SENP7: variants seen among roughly 807,000 people sequenced by gnomAD.
The protein encoded by SENP7 is SUMO specific peptidase 7.
Under a neutral mutation model 141.2 loss-of-function variants are expected in SENP7, and 64 were observed. The ratio of observed to expected loss-of-function variants is 0.45; its 90% CI spans 0.37 to 0.56. The LOEUF is 0.56. Among genes scored for constraint, SENP7 ranks in the 20% least tolerant of loss-of-function variants. The probability of loss-of-function intolerance (pLI) is 0.00; values close to 1 mark genes in which losing one functional copy is unlikely to be tolerated. For missense variants in SENP7, 1,025 were observed against 1,212.2 expected (o/e 0.85, Z 2.29); for synonymous variants, 382 against 426.4 (o/e 0.90, Z 1.28).
At chr3:101,372,340 A>G (rs190476244) in intron 6 of SENP7, among the ~76,000 whole-genome samples, 110 of 149,184 alleles carry the variant, frequency 7.4e-4, no homozygotes, top group African/African-American at 2.3e-3. Flanking sequence ...GTTTAGGGGG[A>G]AAAAAAATGA....
Position 101,348,060 on chromosome 3 carries a change from A to T in SENP7, c.1658-9T>A. On this transcript the variant is annotated splice_polypyrimidine_tract_variant and intron_variant, in intron 12 of 23. Coordinates refer to ENST00000394095, the MANE Select transcript of SENP7 (RefSeq NM_020654.5). ...AATCTCATTCAGGGACACTGAAACA[A>T]ATAAAAGACAACAATTTAAAAAATT... is the stretch of plus-strand genomic sequence containing the variant. The T allele has an allele frequency of 1.3e-6, 2 of 1,554,298 alleles. No individual in the cohort carries two copies. Among genetic ancestry groups the T allele is most frequent in the South Asian group, 1.3e-5 (1 of 79,196 alleles).
intron 15 of SENP7, 138 bp downstream of exon 15, chr3:101,341,508 A>T: frequency 5.4e-6 from 4 of 735,404 alleles, no homozygotes; most frequent in Non-Finnish European, 7.6e-6. Flanking sequence ...TAATTTCTTT[A>T]AAAAAACCTA....
At chr3:101,417,241 C>T (rs2061650537) in intron 5 of SENP7, among the ~76,000 whole-genome samples, 1 of 152,028 alleles carries the variant, frequency 6.6e-6, no homozygotes, top group African/African-American at 2.4e-5. Context: ...TATATACACA[C>T]ACATTTATAT....
At chr3:101,471,513 A>G (rs575402333) in intron 3 of SENP7, among the ~76,000 whole-genome samples, 1 of 152,352 alleles carries the variant, frequency 6.6e-6, no homozygotes, top group South Asian at 2.1e-4. Context: ...AAGACGGATT[A>G]AAGACTTCAA....
chr3:101,403,293 T>C (rs1483067941), intron 5 of SENP7, among the ~76,000 whole-genome samples: 1 of 152,246 alleles, frequency 6.6e-6, no homozygotes, highest in African/African-American at 2.4e-5. Flanking sequence ...CATCCCCTAA[T>C]TAAAAATTTT....
In SENP7 at chr3:101,484,017, ACT is replaced by A. The variant is rs2064619912; in HGVS notation, c.186+9854_186+9855del. On this transcript the variant is annotated intron_variant, in intron 3 of 23. Coordinates refer to ENST00000394095, the MANE Select transcript of SENP7 (RefSeq NM_020654.5). ...ACTCCAGCCTGGGCAACAGAGCAAG[ACT>A]CTGTCTAAAAAAAAAAATTAACTCA... Among the ~76,000 whole-genome samples the A allele has an allele frequency of 2.0e-5, 3 of 152,052 alleles. No individual in the cohort carries two copies. In the East Asian group the frequency reaches 5.8e-4, roughly 29 times the overall value.
chr3:101,403,903 T>C (rs1416185315), intron 5 of SENP7, among the ~76,000 whole-genome samples: 1 of 151,846 alleles, frequency 6.6e-6, no homozygotes, highest in African/African-American at 2.4e-5. Context: ...CTATAAAACA[T>C]TACTTTAAAA....
At chr3:101,328,764 G>T in intron 20 of SENP7, 75 bp from the exon 21 acceptor site, 1 of 1,162,174 alleles carries the variant, frequency 8.6e-7, no homozygotes, top group Non-Finnish European at 1.3e-6. Context: ...CTCCTTTAAA[G>T]TGTTTCAAAC....
chr3:101,389,023 T>G (rs2060737354), intron 6 of SENP7, among the ~76,000 whole-genome samples: 1 of 152,182 alleles, frequency 6.6e-6, no homozygotes, highest in Non-Finnish European at 1.5e-5. Flanking sequence ...AATATTCCAT[T>G]TTCAATGTCC....
chr3:101,425,288 C>A (rs1337609869), intron 4 of SENP7, among the ~76,000 whole-genome samples: 3 of 152,144 alleles, frequency 2.0e-5, no homozygotes, highest in Admixed American at 6.5e-5. Flanking sequence ...TCCAGGAGCA[C>A]CTCAGCCCCC....
At chr3:101,457,618 T>C (rs2063397816) in intron 4 of SENP7, 1 of 1,565,112 alleles carries the variant, frequency 6.4e-7, no homozygotes, top group Middle Eastern at 2.3e-4. Context: ...TCATCTGCTG[T>C]GGCTGTTCTA....
chr3:101,341,207 C>G (rs1455356241), intron 15 of SENP7, among the ~76,000 whole-genome samples: 1 of 152,106 alleles, frequency 6.6e-6, no homozygotes, highest in East Asian at 1.9e-4. Flanking sequence ...TCCTTAGCAC[C>G]ATGAGAAGAC....
intron 12 of SENP7, among the ~76,000 whole-genome samples, 178 bp downstream of exon 12, chr3:101,351,440 T>G (rs553423459): frequency 6.6e-6 from 1 of 152,018 alleles, no homozygotes; most frequent in Non-Finnish European, 1.5e-5. Flanking sequence ...CACTGTTTGA[T>G]TTATAGTCAT....
intron 1 of SENP7, among the ~76,000 whole-genome samples, chr3:101,507,347 T>A (rs1008138741): frequency 3.3e-5 from 5 of 152,222 alleles, no homozygotes; most frequent in Admixed American, 1.3e-4. Flanking sequence ...TTTTCAATCC[T>A]CTGCCTTCCA....
At chr3:101,424,281 A>C (rs1319383250) in intron 4 of SENP7, among the ~76,000 whole-genome samples, 1 of 151,758 alleles carries the variant, frequency 6.6e-6, no homozygotes, top group African/African-American at 2.4e-5. Flanking sequence ...CTCCCTCCAC[A>C]CACCGCAGCT....
rs1553744607 is a variant in SENP7 at position 101,463,362 on chromosome 3, TAA to T, written c.187-4312_187-4311del. ...AAACCATGTATCATAAATAAATAAA[TAA>T]ATATATATATATATATATATATATA... On this transcript the variant is annotated intron_variant, in intron 3 of 23. Coordinates refer to ENST00000394095, the MANE Select transcript of SENP7 (RefSeq NM_020654.5). Among the ~76,000 whole-genome samples, 753 of 76,474 alleles carry T rather than the reference TAA, an allele frequency of 9.8e-3. 9 individuals carry two copies. Among genetic ancestry groups the T allele is most frequent in the African/African-American group, 0.046 (649 of 14,210 alleles). 50.2% of individuals were successfully genotyped at this position (76,474 alleles called of 152,430 possible).
chr3:101,429,122 C>A (rs1384402165), intron 4 of SENP7, among the ~76,000 whole-genome samples: 1 of 152,106 alleles, frequency 6.6e-6, no homozygotes, highest in African/African-American at 2.4e-5. Context: ...AGTCAGGTAG[C>A]ATGATGCCTC....
chr3:101,329,773 A>G (rs564522685), intron 20 of SENP7, among the ~76,000 whole-genome samples: 6 of 125,382 alleles, frequency 4.8e-5, no homozygotes, highest in Non-Finnish European at 1.0e-4. Context: ...CCCCATCTCT[A>G]CTAAAAAAAA....
chr3:101,493,906 G>A lies in SENP7; in HGVS notation c.153C>T (p.Phe51=), dbSNP rs369340452. The part of the protein sequence containing the change: ...DVHVQSPLSK[F]RSSERWTLPL... ...GGAGAGTCCAGCGTTCTGAGCTTCT[G>A]AATTTGGACAGTGGTGATTGAACAT... is the stretch of plus-strand genomic sequence containing the variant. The change falls in exon 3 of 24, where the codon TTC becomes TTT. Residue 51 remains phenylalanine (F), a synonymous_variant. Transcript: ENST00000394095. 181 of 1,609,864 alleles carry A rather than the reference G, an allele frequency of 1.1e-4. No individual in the cohort carries two copies. Among genetic ancestry groups the A allele is most frequent in the Non-Finnish European group, 1.4e-4 (170 of 1,177,068 alleles).
Sources: allele counts gnomAD v4.1 joint callset (sites outside exome capture counted in the v4.1 genomes callset), GRCh38; gene constraint gnomAD v4.1.1; transcripts MANE v1.5; gene names NCBI Gene and HGNC (gene_info 2026-07-23, HGNC 2026-07-21).